Variants in TULP4 observed in about 807,000 individuals in gnomAD.
TULP4 encodes the protein TUB like protein 4.
TULP4 carries 16 observed loss-of-function variants against 129.0 expected under a neutral mutation model. The observed-to-expected ratio is 0.12, with a 90% CI of 0.08 to 0.19. The LOEUF (loss-of-function observed/expected upper bound fraction) is 0.19, where lower values mean the gene tolerates loss of function less well. Ranked by LOEUF, TULP4 falls within the 10% of genes least tolerant of loss-of-function variation. The pLI, the probability that TULP4 is intolerant of heterozygous loss-of-function variation, is 1.00. For missense variants in TULP4, 1,842 were observed against 2,059.1 expected, an observed-to-expected ratio of 0.89 and a Z score of 2.04; for synonymous variants, 998 against 854.0, an observed-to-expected ratio of 1.17 and a Z score of -2.94.
At position 158,296,815 on chromosome 6, in the gene TULP4, G is replaced by A. The variant is rs540302722; in HGVS notation, n.116+14437G>A. On this transcript the variant is annotated intron_variant and non_coding_transcript_variant, in intron 1 of 1. Transcript: ENST00000432358. ...AGTTTTTATTAGGGATTTCAAAAGG[G>A]GAGGGAGTGTATGAACAGGGAAAAG... Among the ~76,000 whole-genome samples the A allele has an allele frequency of 4.3e-3, 658 of 152,222 alleles. 5 individuals carry two copies. Among genetic ancestry groups the A allele is most frequent in the Middle Eastern group, 6.8e-3 (2 of 294 alleles).
In TULP4 at chr6:158,370,950, G is replaced by A. The variant is rs1583807357; in HGVS notation, c.253-42115G>A. 5.9e-5 allele frequency among the ~76,000 whole-genome samples: 9 copies of A among 152,324 alleles called. No individual in the cohort carries two copies. In the South Asian group the frequency reaches 1.7e-3, roughly 28 times the overall value. ...GACATCCTGCAAGTGAGCTGAAATC[G>A]TGCCACTGCACTCCTGCATCCTGCA... On this transcript the variant is annotated intron_variant, in intron 1 of 13. Transcript: ENST00000367097.
intron 1 of TULP4, among the ~76,000 whole-genome samples, chr6:158,383,367 T>C (rs1230413069): frequency 1.3e-5 from 2 of 152,104 alleles, no homozygotes; most frequent in African/African-American, 4.8e-5. Flanking sequence ...TTATATCTAC[T>C]TCTATGGTAC....
chr6:158,447,252 C>T (rs1175560728), intron 3 of TULP4, among the ~76,000 whole-genome samples: 1 of 152,176 alleles, frequency 6.6e-6, no homozygotes, highest in Non-Finnish European at 1.5e-5. Context: ...GCCTGTGTCA[C>T]ATGAAGGCTT....
chr6:158,237,690 C>G lies in TULP4; in HGVS notation n.68+5387C>G, dbSNP rs974452374. 7 of 1,064,412 alleles carry G rather than the reference C, an allele frequency of 6.6e-6. No individual in the cohort carries two copies. In the African/African-American group the frequency reaches 1.1e-4, roughly 17 times the overall value. 65.9% of individuals were successfully genotyped at this position (1,064,412 alleles called of 1,614,324 possible). On this transcript the variant is annotated intron_variant and non_coding_transcript_variant, in intron 1 of 1. Transcript: ENST00000620026. ...GCAATTTTCCCTTCTTTTTCTTTTT[C>G]AAATCTCCCTTTCCTTGTTCCTTTG...
chr6:158,439,478 T>A (rs1778832456), intron 3 of TULP4, among the ~76,000 whole-genome samples: 1 of 151,624 alleles, frequency 6.6e-6, no homozygotes. Context: ...AGCAACTCTC[T>A]CCCTCCACCC....
intron 1 of TULP4, among the ~76,000 whole-genome samples, chr6:158,332,741 C>T (rs1779940756): frequency 6.6e-6 from 1 of 152,148 alleles, no homozygotes. Context: ...ACCTTCATGG[C>T]ATCTTCCACT....
chr6:158,357,099 C>T lies in TULP4; in HGVS notation c.252+42831C>T, dbSNP rs79612677. 5.4e-3 allele frequency among the ~76,000 whole-genome samples: 821 copies of T among 152,326 alleles called. 13 individuals carry two copies. Among genetic ancestry groups the T allele is most frequent in the African/African-American group, 0.019 (780 of 41,566 alleles). On this transcript the variant is annotated intron_variant, in intron 1 of 13. Coordinates refer to ENST00000367097, the MANE Select transcript of TULP4 (RefSeq NM_020245.5). ...CAGCCCCCAGGCCCCAGGGAGTGCC[C>T]GAGCGTCCTCCAGATGGGGTGGGCA... is the stretch of plus-strand genomic sequence containing the variant.
At chr6:158,489,799 C>A in intron 9 of TULP4, 67 bp downstream of exon 9, 2 of 1,587,262 alleles carry the variant, frequency 1.3e-6, no homozygotes, top group South Asian at 2.3e-5. Flanking sequence ...GTGCCTGCAA[C>A]AGAATCGCAT....
intron 1 of TULP4, among the ~76,000 whole-genome samples, chr6:158,245,042 T>C (rs1778001296): frequency 6.6e-6 from 1 of 152,066 alleles, no homozygotes; most frequent in Non-Finnish European, 1.5e-5. Flanking sequence ...CAGGCTGGAG[T>C]GCAGTGGTGC....
chr6:158,295,834 T>C (rs1779020438), intron 1 of TULP4, among the ~76,000 whole-genome samples: 1 of 152,068 alleles, frequency 6.6e-6, no homozygotes, highest in Non-Finnish European at 1.5e-5. Flanking sequence ...GAGCTTGCAG[T>C]GAACCAAGAT....
chr6:158,272,064 G>T (rs7757368), intron 1 of TULP4, among the ~76,000 whole-genome samples: 82 of 152,318 alleles, frequency 5.4e-4, no homozygotes, highest in African/African-American at 1.9e-3. Flanking sequence ...CCCAGGGATT[G>T]GTTCCACAGT....
In TULP4 at chr6:158,465,010, C is replaced by T. The variant is rs1400136123; in HGVS notation, c.1026+3281C>T. 7.9e-5 allele frequency among the ~76,000 whole-genome samples: 12 copies of T among 152,146 alleles called. 1 individual carries two copies. The highest frequency in any genetic ancestry group is 1.4e-4 in the African/African-American group (6 of 41,416). On this transcript the variant is annotated intron_variant, in intron 6 of 13. Transcript: ENST00000367097. ...TCAACGTGATGGTATGTCATAATCA[C>T]GTTGGAATTTGGTATCTTATTGCTA... is the stretch of plus-strand genomic sequence containing the variant.
At chr6:158,428,942 G>T (rs185484065) in intron 2 of TULP4, among the ~76,000 whole-genome samples, 124 of 152,284 alleles carry the variant, frequency 8.1e-4, no homozygotes, top group African/African-American at 2.9e-3. Flanking sequence ...CAGAACACTG[G>T]TGATGCACAG....
chr6:158,251,789 CT>C (rs1778145928), intron 1 of TULP4, among the ~76,000 whole-genome samples: 1 of 152,176 alleles, frequency 6.6e-6, no homozygotes. Context: ...AGTGCAGAGT[CT>C]TTGTACTCCT....
At chr6:158,454,893 A>G (rs989863198) in intron 5 of TULP4, among the ~76,000 whole-genome samples, 5 of 151,946 alleles carry the variant, frequency 3.3e-5, no homozygotes, top group African/African-American at 4.8e-5. Context: ...GGCGTGAGCC[A>G]CCATACCCAT....
intron 1 of TULP4, among the ~76,000 whole-genome samples, chr6:158,243,743 CT>C (rs1264371599): frequency 2.6e-5 from 4 of 151,700 alleles, no homozygotes; most frequent in Admixed American, 2.6e-4. Context: ...TTCTTTCTTT[CT>C]TTTTGTGATA....
upstream of TULP4, among the ~76,000 whole-genome samples, chr6:158,278,150 G>T (rs1339347974): frequency 1.3e-5 from 2 of 152,204 alleles, no homozygotes; most frequent in Non-Finnish European, 2.9e-5. Context: ...TTGCATGTCG[G>T]TCAAGTGGAC....
At chr6:158,441,312 T>TA (rs778718601) in intron 3 of TULP4, among the ~76,000 whole-genome samples, 1 of 151,996 alleles carries the variant, frequency 6.6e-6, no homozygotes, top group Admixed American at 6.6e-5. Context: ...AAACTCTATC[T>TA]AAAAAAAATA....
At chr6:158,278,093 A>G (rs1257648300), upstream of TULP4, among the ~76,000 whole-genome samples, 2 of 152,214 alleles carry the variant, frequency 1.3e-5, no homozygotes, top group African/African-American at 2.4e-5. Flanking sequence ...TGCTAAATTC[A>G]TCATCATAGG....
Sources: gnomAD v4.1 joint callset for allele counts (sites outside exome capture counted in the v4.1 genomes callset) on GRCh38, gnomAD v4.1.1 for gene constraint, MANE v1.5 for transcripts, NCBI Gene and HGNC (gene_info 2026-07-23, HGNC 2026-07-21) for gene names.